Variants in REDIC1 observed in about 807,000 individuals in gnomAD.
REDIC1 encodes the protein HEI10 Interacting Protein 1.
the REDIC1 span, among the ~76,000 whole-genome samples, chr12:39,708,561 T>G: frequency 6.6e-6 from 1 of 151,878 alleles, no homozygotes; most frequent in African/African-American, 2.4e-5. Flanking sequence ...TTTTTAAAAT[T>G]TAGTTCTTTA....
the REDIC1 span, among the ~76,000 whole-genome samples, chr12:39,712,017 T>TATTTATATATAC: frequency 5.1e-5 from 2 of 39,162 alleles, no homozygotes; most frequent in Non-Finnish European, 7.2e-5. Context: ...TACCTACCTG[T>TATTTATATATAC]ATGTATATAT....
the REDIC1 span, among the ~76,000 whole-genome samples, chr12:39,812,106 G>T: frequency 6.6e-6 from 1 of 152,122 alleles, no homozygotes; most frequent in African/African-American, 2.4e-5. Flanking sequence ...GGGTTTTGGA[G>T]GCTGGGAAGT....
the REDIC1 span, among the ~76,000 whole-genome samples, chr12:39,733,288 T>C: frequency 1.3e-5 from 2 of 152,188 alleles, no homozygotes; most frequent in Non-Finnish European, 1.5e-5. Context: ...TCCTTATAAG[T>C]CATTTGCTCT....
the REDIC1 span, among the ~76,000 whole-genome samples, chr12:39,711,785 A>ATGTGTGTGTACACATGCATG: frequency 5.4e-4 from 64 of 119,266 alleles, 2 homozygotes; most frequent in African/African-American, 1.8e-3. Flanking sequence ...ATGCATGTGT[A>ATGTGTGTGTACACATGCATG]TGTGTGTGTA....
chr12:39,821,209 C>T, the REDIC1 span, among the ~76,000 whole-genome samples: 1 of 151,990 alleles, frequency 6.6e-6, no homozygotes, highest in Non-Finnish European at 1.5e-5. Flanking sequence ...GTCAGGAGAT[C>T]GAGACCATCC....
At chr12:39,703,588 T>C in the REDIC1 span, among the ~76,000 whole-genome samples, 4 of 152,036 alleles carry the variant, frequency 2.6e-5, no homozygotes, top group Non-Finnish European at 5.9e-5. Flanking sequence ...AAACTAAAGT[T>C]CATATGCAAC....
chr12:39,821,709 T>C, the REDIC1 span, among the ~76,000 whole-genome samples: 1 of 152,170 alleles, frequency 6.6e-6, no homozygotes, highest in Non-Finnish European at 1.5e-5. Context: ...TAAAACTCCA[T>C]GCCTTAAAGC....
the REDIC1 span, among the ~76,000 whole-genome samples, chr12:39,902,280 T>G: frequency 1.3e-5 from 2 of 151,788 alleles, no homozygotes; most frequent in African/African-American, 4.8e-5. Flanking sequence ...GCATGGCACA[T>G]GTATACATAT....
At chr12:39,712,190 GTACATACATATATACATATGTATATA>G in the REDIC1 span, among the ~76,000 whole-genome samples, 566 of 12,640 alleles carry the variant, frequency 0.045, no homozygotes, top group Non-Finnish European at 0.058. Context: ...GTATGTATAT[GTACATACATATATACATATGTATATA>G]TACATGTATA....
the REDIC1 span, among the ~76,000 whole-genome samples, chr12:39,711,614 T>C: frequency 3.2e-5 from 3 of 92,484 alleles, no homozygotes; most frequent in African/African-American, 9.6e-5. Flanking sequence ...CATGCATGTG[T>C]ATGTGTATAC....
the REDIC1 span, chr12:39,641,141 C>T: frequency 4.4e-4 from 264 of 597,826 alleles, no homozygotes; most frequent in African/African-American, 4.0e-3. Flanking sequence ...TGATTAGCCA[C>T]GTATTTTGCT....
the REDIC1 span, among the ~76,000 whole-genome samples, chr12:39,652,516 C>A: frequency 2.6e-5 from 4 of 152,124 alleles, no homozygotes; most frequent in African/African-American, 9.6e-5. Flanking sequence ...GCATATTAGC[C>A]ATGTGTGACT....
chr12:39,856,461 C>T, the REDIC1 span, among the ~76,000 whole-genome samples: 5 of 152,146 alleles, frequency 3.3e-5, no homozygotes, highest in African/African-American at 1.2e-4. Context: ...CTCTGCCTCC[C>T]GGGCTCAAGC....
chr12:39,700,449 T>A, the REDIC1 span, among the ~76,000 whole-genome samples: 2 of 152,128 alleles, frequency 1.3e-5, no homozygotes, highest in Admixed American at 1.3e-4. Context: ...AAAGACCAAA[T>A]CTACATCTGA....
At chr12:39,772,993 A>G in the REDIC1 span, among the ~76,000 whole-genome samples, 1 of 152,246 alleles carries the variant, frequency 6.6e-6, no homozygotes, top group African/African-American at 2.4e-5. Flanking sequence ...CCTTCAAAAT[A>G]TAAACACTAG....
chr12:39,712,783 A>G, the REDIC1 span, among the ~76,000 whole-genome samples: 2 of 141,570 alleles, frequency 1.4e-5, no homozygotes, highest in South Asian at 4.3e-4. Context: ...ACATGTGTAT[A>G]TACGTATATG....
At chr12:39,752,675 G>C in the REDIC1 span, among the ~76,000 whole-genome samples, 2 of 152,092 alleles carry the variant, frequency 1.3e-5, no homozygotes, top group African/African-American at 4.8e-5. Flanking sequence ...CACAAGAAAA[G>C]AACTGGATAA....
chr12:39,819,923 C>T, the REDIC1 span: 1 of 152,634 alleles, frequency 6.6e-6, no homozygotes, highest in East Asian at 1.9e-4. Flanking sequence ...TGTCAAATTT[C>T]AATCCTATAA....
At chr12:39,818,830 A>T in the REDIC1 span, among the ~76,000 whole-genome samples, 1 of 152,182 alleles carries the variant, frequency 6.6e-6, no homozygotes, top group Non-Finnish European at 1.5e-5. Context: ...AAATATTGTT[A>T]TAAGTATAAA....
Sources: allele counts gnomAD v4.1 joint callset (sites outside exome capture counted in the v4.1 genomes callset), GRCh38; gene constraint gnomAD v4.1.1; transcripts MANE v1.5; gene names NCBI Gene and HGNC (gene_info 2026-07-23, HGNC 2026-07-21).